ZNF469: variants seen among roughly 807,000 people sequenced by gnomAD.
ZNF469 encodes zinc finger protein 469.
A neutral mutation model predicts 1.0 loss-of-function variants in ZNF469; 1 was observed. The ratio of observed to expected loss-of-function variants is 1.00; its 90% CI spans 0.35 to 4.73. The LOEUF (loss-of-function observed/expected upper bound fraction) is 4.73. ZNF469 is among the 30% of genes most tolerant of loss of function. The probability of loss-of-function intolerance (pLI) is 0.16; values close to 1 mark genes in which losing one functional copy is unlikely to be tolerated. For synonymous variants in ZNF469, 2,703 were observed against 2,363.4 expected (o/e 1.14, Z -4.17); for missense variants, 6,100 against 5,356.3 (o/e 1.14, Z -4.33).
chr16:88,138,460 A>G, the ZNF469 span, among the ~76,000 whole-genome samples: 1 of 152,204 alleles, frequency 6.6e-6, no homozygotes, highest in African/African-American at 2.4e-5. Context: ...ATAACACATA[A>G]ACCTCCTAAT....
the ZNF469 span, among the ~76,000 whole-genome samples, chr16:88,223,660 G>A: frequency 1.3e-5 from 2 of 152,194 alleles, no homozygotes; most frequent in Non-Finnish European, 2.9e-5. Flanking sequence ...TGCGTGGGGC[G>A]TCCCTGTTTG....
the ZNF469 span, among the ~76,000 whole-genome samples, chr16:88,203,627 C>T: frequency 1.3e-5 from 2 of 152,218 alleles, no homozygotes; most frequent in African/African-American, 4.8e-5. Context: ...GGGATCCTTC[C>T]TGCCTCTTCC....
Position 88,433,952 on chromosome 16 carries a change from G to T in ZNF469, c.6482G>T (p.Gly2161Val). The change falls in exon 3 of 3, where the codon GGC becomes GTC. Residue 2161 changes from glycine (G) to valine (V), a missense_variant. Coordinates refer to ENST00000565624, the MANE Select transcript of ZNF469 (RefSeq NM_001367624.2). ...PASPSCRDPP[G>V]PQQLLACSPA... ...TCTCCGTCCTGCAGGGACCCTCCCG[G>T]CCCCCAGCAGCTGCTGGCCTGTTCT... 1 of 1,550,192 alleles carries T rather than the reference G, an allele frequency of 6.5e-7. No homozygotes were observed. The highest frequency in any genetic ancestry group is 1.2e-5 in the South Asian group (1 of 84,064).
intron 1 of ZNF469, among the ~76,000 whole-genome samples, chr16:88,389,970 C>T (rs1479310462): frequency 6.6e-6 from 1 of 152,204 alleles, no homozygotes; most frequent in Non-Finnish European, 1.5e-5. Flanking sequence ...GAGGTGGGGT[C>T]GGCCTGCGGA....
the ZNF469 span, among the ~76,000 whole-genome samples, chr16:88,149,177 G>T: frequency 1.3e-5 from 2 of 152,176 alleles, no homozygotes; most frequent in African/African-American, 4.8e-5. Context: ...CACATCAGCT[G>T]ATATTGTGGA....
chr16:88,316,004 C>A, the ZNF469 span, among the ~76,000 whole-genome samples: 1 of 152,226 alleles, frequency 6.6e-6, no homozygotes, highest in African/African-American at 2.4e-5. Context: ...GCTGTGATCA[C>A]GGCCATGCAC....
chr16:88,218,687 A>C, the ZNF469 span, among the ~76,000 whole-genome samples: 4 of 151,064 alleles, frequency 2.6e-5, no homozygotes, highest in Non-Finnish European at 5.9e-5. Flanking sequence ...AACTGGAAGC[A>C]TTCCCTTTGA....
the ZNF469 span, among the ~76,000 whole-genome samples, chr16:88,300,898 C>T: frequency 6.6e-6 from 1 of 152,064 alleles, no homozygotes; most frequent in African/African-American, 2.4e-5. Context: ...AACCGCGTCT[C>T]TACTGAAAAT....
the ZNF469 span, among the ~76,000 whole-genome samples, chr16:88,304,462 G>C: frequency 6.6e-6 from 1 of 152,190 alleles, no homozygotes; most frequent in Non-Finnish European, 1.5e-5. Context: ...CTCTCTCCAA[G>C]AGCGGAGAGA....
chr16:88,395,191 G>A (rs1904619255), intron 1 of ZNF469, among the ~76,000 whole-genome samples: 1 of 152,052 alleles, frequency 6.6e-6, no homozygotes, highest in Non-Finnish European at 1.5e-5. Context: ...AGCTCTGTAG[G>A]TAGGTGGGTA....
chr16:88,396,959 A>ATGAAGGGAGGCCAGGAGGAGACCCTCC (rs1567500228), intron 1 of ZNF469, among the ~76,000 whole-genome samples: 129 of 49,244 alleles, frequency 2.6e-3, no homozygotes, highest in East Asian at 3.3e-3. Context: ...GGAGACCCTC[A>ATGAAGGGAGGCCAGGAGGAGACCCTCC]TGAAGGGAGG....
chr16:88,266,796 A>G, the ZNF469 span, among the ~76,000 whole-genome samples: 3 of 152,256 alleles, frequency 2.0e-5, no homozygotes, highest in Non-Finnish European at 4.4e-5. Context: ...AGGCAGTTTC[A>G]GCAGCTGGAC....
the ZNF469 span, among the ~76,000 whole-genome samples, chr16:88,265,332 G>C: frequency 6.6e-6 from 1 of 152,176 alleles, no homozygotes; most frequent in Non-Finnish European, 1.5e-5. Flanking sequence ...GGACCCCTCA[G>C]GAGGTTCCCC....
chr16:88,413,605 C>G (rs1043482759), intron 1 of ZNF469, among the ~76,000 whole-genome samples: 2 of 152,224 alleles, frequency 1.3e-5, no homozygotes, highest in African/African-American at 4.8e-5. Flanking sequence ...GGAGGGTGTC[C>G]TGCAGAGCTG....
the ZNF469 span, among the ~76,000 whole-genome samples, chr16:88,190,793 C>T: frequency 6.6e-6 from 1 of 152,326 alleles, no homozygotes; most frequent in African/African-American, 2.4e-5. Context: ...CTTACTTTCC[C>T]ACTGACTTCT....
At chr16:88,373,886 A>G in the ZNF469 span, among the ~76,000 whole-genome samples, 34 of 152,216 alleles carry the variant, frequency 2.2e-4, no homozygotes, top group African/African-American at 7.9e-4. Flanking sequence ...AATCCCAGAT[A>G]CTTGGGAGGC....
At chr16:88,135,186 A>G in the ZNF469 span, among the ~76,000 whole-genome samples, 1 of 152,248 alleles carries the variant, frequency 6.6e-6, no homozygotes, top group African/African-American at 2.4e-5. Context: ...AGGGCTATGA[A>G]GGAATCGTCT....
At chr16:88,166,800 C>CACACACACAA in the ZNF469 span, among the ~76,000 whole-genome samples, 1 of 151,576 alleles carries the variant, frequency 6.6e-6, no homozygotes, top group South Asian at 2.1e-4. The surrounding 1 kb of genome is among the most constrained non-coding windows in gnomAD (Gnocchi z 4.5). Context: ...CACACACACA[C>CACACACACAA]AAATACATAT....
chr16:88,398,056 G>A (rs2142271054), intron 1 of ZNF469, among the ~76,000 whole-genome samples: 1 of 152,346 alleles, frequency 6.6e-6, no homozygotes, highest in Admixed American at 6.5e-5. Context: ...GGCCAGGTCA[G>A]AGAAAGCAAA....
Sources: gnomAD v4.1 joint callset for allele counts (sites outside exome capture counted in the v4.1 genomes callset) on GRCh38, gnomAD v4.1.1 for gene constraint, Gnocchi (gnomAD v3.1) non-coding constraint, MANE v1.5 for transcripts, NCBI Gene and HGNC (gene_info 2026-07-23, HGNC 2026-07-21) for gene names.